The following CPE variants were observed in gnomAD, a reference collection of about 807,000 sequenced individuals.
CPE encodes carbocypeptidase E.
Under a neutral mutation model 53.5 loss-of-function variants are expected in CPE, and 17 were observed. That is an observed-to-expected ratio of 0.32 (90% CI 0.22 to 0.48). CPE has a LOEUF of 0.48. Ranked by LOEUF, CPE falls within the 20% of genes least tolerant of loss-of-function variation. CPE has a pLI of 0.99. For synonymous variants in CPE, 226 were observed against 228.8 expected, an observed-to-expected ratio of 0.99 and a Z score of 0.11; for missense variants, 524 against 614.7, an observed-to-expected ratio of 0.85 and a Z score of 1.56.
chr4:165,450,660 A>G (rs914932121), intron 1 of CPE, among the ~76,000 whole-genome samples: 1 of 152,234 alleles, frequency 6.6e-6, no homozygotes, highest in Non-Finnish European at 1.5e-5. Context: ...TGTCATCTGA[A>G]CAGTTCTGGA....
At chr4:165,399,070 A>G (rs974675591) in intron 1 of CPE, among the ~76,000 whole-genome samples, 1 of 152,210 alleles carries the variant, frequency 6.6e-6, no homozygotes, top group Admixed American at 6.5e-5. Flanking sequence ...AATTGCCTAA[A>G]TGTACTATAC....
intron 1 of CPE, among the ~76,000 whole-genome samples, chr4:165,429,677 G>A (rs1377559291): frequency 6.7e-6 from 1 of 150,318 alleles, no homozygotes; most frequent in African/African-American, 2.5e-5. Context: ...ACTCCAGCTT[G>A]GGTGACAGAG....
chr4:165,483,301 C>T (rs1283014865), intron 4 of CPE, among the ~76,000 whole-genome samples: 1 of 152,110 alleles, frequency 6.6e-6, no homozygotes, highest in Non-Finnish European at 1.5e-5. Flanking sequence ...CCATCCATGT[C>T]GTTGCAAAAT....
At chr4:165,462,974 G>A (rs1460753717) in intron 1 of CPE, among the ~76,000 whole-genome samples, 2 of 152,188 alleles carry the variant, frequency 1.3e-5, no homozygotes, top group Admixed American at 6.5e-5. Flanking sequence ...CCAAGAACCA[G>A]CAGTCTTAGT....
intron 3 of CPE, among the ~76,000 whole-genome samples, chr4:165,468,858 A>G (rs1036779227): frequency 6.6e-6 from 1 of 152,204 alleles, no homozygotes; most frequent in Non-Finnish European, 1.5e-5. Context: ...ACTGCCCAGA[A>G]GATAAAGTGA....
At chr4:165,491,735 T>G (rs1732609621) in intron 6 of CPE, among the ~76,000 whole-genome samples, 1 of 152,200 alleles carries the variant, frequency 6.6e-6, no homozygotes, top group South Asian at 2.1e-4. Context: ...GTTTTCTTTT[T>G]TTTTAAGAAA....
At chr4:165,387,732 C>T (rs577524541) in intron 1 of CPE, among the ~76,000 whole-genome samples, 1 of 152,202 alleles carries the variant, frequency 6.6e-6, no homozygotes, top group African/African-American at 2.4e-5. Flanking sequence ...TCGCTTGAAC[C>T]TGGGAGGCGG....
At chr4:165,396,733 A>G (rs1237873311) in intron 1 of CPE, among the ~76,000 whole-genome samples, 2 of 151,226 alleles carry the variant, frequency 1.3e-5, no homozygotes, top group Non-Finnish European at 3.0e-5. Context: ...TATAATATTT[A>G]AGGTTAGAGA....
intron 1 of CPE, among the ~76,000 whole-genome samples, chr4:165,429,545 T>C (rs73007499): frequency 0.18 from 26,701 of 151,854 alleles, 2,570 homozygotes; most frequent in African/African-American, 0.25. Flanking sequence ...TCTACAAAAA[T>C]ACAAGAATTG....
intron 1 of CPE, chr4:165,406,470 T>C (rs1195415292): frequency 3.9e-6 from 1 of 258,336 alleles, no homozygotes; most frequent in Admixed American, 4.7e-5. Context: ...TCACAGTTTT[T>C]CCCTCAGATT....
In CPE at chr4:165,397,469, T is replaced by C. The variant is rs191075540; in HGVS notation, c.307+17941T>C. ...GCAATTCGGTATATTAGACACCTAT[T>C]TATTTTGTCTTCCTGCCTTCTGATA... On this transcript the variant is annotated intron_variant, in intron 1 of 8. Transcript: ENST00000402744. Among the ~76,000 whole-genome samples, 3 of 152,328 alleles carry C rather than the reference T, an allele frequency of 2.0e-5. No homozygotes were observed. In the East Asian group the frequency reaches 5.8e-4, roughly 29 times the overall value.
intron 1 of CPE, among the ~76,000 whole-genome samples, chr4:165,395,272 T>C (rs527622166): frequency 5.3e-5 from 8 of 152,300 alleles, no homozygotes; most frequent in African/African-American, 1.7e-4. Flanking sequence ...ATTATAATAT[T>C]ATTTGTGGTG....
At chr4:165,475,061 C>T (rs577979324) in intron 3 of CPE, among the ~76,000 whole-genome samples, 1 of 152,230 alleles carries the variant, frequency 6.6e-6, no homozygotes, top group East Asian at 1.9e-4. Flanking sequence ...CTTTCATATG[C>T]GAGTGAAACG....
chr4:165,497,016 G>A (rs146357053), intron 8 of CPE, among the ~76,000 whole-genome samples: 2,145 of 152,168 alleles, frequency 0.014, 49 homozygotes, highest in African/African-American at 0.047. Context: ...TCTGCCTCCC[G>A]GGTTCAAGAA....
chr4:165,465,604 A>C (rs915906120), intron 2 of CPE, among the ~76,000 whole-genome samples: 40 of 152,266 alleles, frequency 2.6e-4, no homozygotes, highest in Non-Finnish European at 5.3e-4. Flanking sequence ...CAGTAAAACA[A>C]GAAAATTCAC....
intron 1 of CPE, among the ~76,000 whole-genome samples, chr4:165,400,136 A>G (rs1248896471): frequency 1.3e-5 from 2 of 152,228 alleles, no homozygotes; most frequent in African/African-American, 4.8e-5. Context: ...AGAAAAAGAT[A>G]TTGTATGCTT....
intron 1 of CPE, among the ~76,000 whole-genome samples, chr4:165,433,769 CCTT>C (rs1292012474): frequency 1.3e-5 from 2 of 152,188 alleles, no homozygotes; most frequent in East Asian, 3.9e-4. Flanking sequence ...AGCTAGGGAT[CCTT>C]CTTAAATGCA....
chr4:165,471,464 G>A (rs1214864337), intron 3 of CPE, among the ~76,000 whole-genome samples: 3 of 152,072 alleles, frequency 2.0e-5, no homozygotes, highest in Non-Finnish European at 4.4e-5. Context: ...AATCATGATA[G>A]GACTGATTTG....
chr4:165,404,843 T>G, intron 1 of CPE: 3 of 765,226 alleles, frequency 3.9e-6, no homozygotes, highest in Non-Finnish European at 7.4e-6. Context: ...CAGCTGCATC[T>G]TGTCTGCGGG....
Sources: gnomAD v4.1 joint callset for allele counts (sites outside exome capture counted in the v4.1 genomes callset) on GRCh38, gnomAD v4.1.1 for gene constraint, MANE v1.5 for transcripts, NCBI Gene and HGNC (gene_info 2026-07-23, HGNC 2026-07-21) for gene names.